NEGR1: variants seen among roughly 807,000 people sequenced by gnomAD.
NEGR1 encodes neuronal growth regulator 1.
In NEGR1, 10 loss-of-function variants were observed where a neutral mutation model predicts 40.9. The ratio of observed to expected loss-of-function variants is 0.24; its 90% confidence interval spans 0.15 to 0.42. NEGR1 has a LOEUF of 0.42. NEGR1 is among the 10% of genes least tolerant of loss of function. The pLI, the probability that NEGR1 is intolerant of heterozygous loss-of-function variation, is 1.00. For synonymous variants in NEGR1, 185 were observed against 166.8 expected (o/e 1.11, Z -0.84); for missense variants, 352 against 438.9 (o/e 0.80, Z 1.77).
chr1:71,815,479 A>G (rs1191781396), intron 2 of NEGR1, among the ~76,000 whole-genome samples: 2 of 151,834 alleles, frequency 1.3e-5, no homozygotes, highest in Non-Finnish European at 2.9e-5. Flanking sequence ...TTCTGTCTCA[A>G]TTATCTGTTT....
At chr1:71,565,127 C>T (rs1570039059) in intron 6 of NEGR1, among the ~76,000 whole-genome samples, 1 of 152,078 alleles carries the variant, frequency 6.6e-6, no homozygotes, top group South Asian at 2.1e-4. Context: ...TGGTTGTAAA[C>T]CAAACACTCC....
At position 71,400,392 on chromosome 1, in the gene NEGR1, G is replaced by C. The variant is rs373326897; in HGVS notation, c.*7054C>G. 26 of 151,004 alleles carry C rather than the reference G, an allele frequency of 1.7e-4. No homozygotes were observed. In the East Asian group the frequency reaches 3.9e-3, roughly 23 times the overall value. 9.4% of individuals were successfully genotyped at this position (151,004 alleles called of 1,614,324 possible). ...CAACTGTTACTTCATTTTTCTTACT[G>C]TTTTTGATATAAAATTCCTGTTATA... On this transcript the variant is annotated 3_prime_UTR_variant, in exon 7 of 7. Transcript: ENST00000357731.
intron 6 of NEGR1, among the ~76,000 whole-genome samples, chr1:71,588,296 T>C (rs2101514919): frequency 6.6e-6 from 1 of 152,246 alleles, no homozygotes; most frequent in East Asian, 1.9e-4. Flanking sequence ...CCCAATTTTT[T>C]ATTTAATAAG....
intron 2 of NEGR1, among the ~76,000 whole-genome samples, chr1:71,791,772 T>C (rs998958375): frequency 6.6e-6 from 1 of 151,958 alleles, no homozygotes; most frequent in Non-Finnish European, 1.5e-5. Context: ...CACGGTACTT[T>C]AGGTGAGAAA....
At chr1:72,155,365 T>C (rs1651318450) in intron 1 of NEGR1, among the ~76,000 whole-genome samples, 1 of 152,050 alleles carries the variant, frequency 6.6e-6, no homozygotes, top group African/African-American at 2.4e-5. Context: ...ATGTCATGAG[T>C]AGCCAAATCA....
chr1:72,005,263 T>C (rs1570599966), intron 1 of NEGR1, among the ~76,000 whole-genome samples: 1 of 152,008 alleles, frequency 6.6e-6, no homozygotes, highest in South Asian at 2.1e-4. Flanking sequence ...AATAAGAGCA[T>C]AGTGAATGCA....
intron 1 of NEGR1, among the ~76,000 whole-genome samples, chr1:72,096,888 T>C (rs1462516381): frequency 9.2e-5 from 14 of 152,066 alleles, no homozygotes; most frequent in Non-Finnish European, 1.5e-5. Context: ...TTCACCATGT[T>C]AGCCAGGATG....
intron 3 of NEGR1, among the ~76,000 whole-genome samples, chr1:71,772,459 T>A (rs1237884731): frequency 6.6e-6 from 1 of 151,964 alleles, no homozygotes; most frequent in Non-Finnish European, 1.5e-5. Context: ...ATGTCAATGT[T>A]CAGTAATGAC....
chr1:72,181,793 G>A (rs1225390590), intron 1 of NEGR1, among the ~76,000 whole-genome samples: 1 of 152,140 alleles, frequency 6.6e-6, no homozygotes, highest in South Asian at 2.1e-4. Flanking sequence ...AACACTGAGG[G>A]AAAAATAGAG....
At chr1:72,241,178 A>G (rs1051911005) in intron 1 of NEGR1, among the ~76,000 whole-genome samples, 11 of 151,620 alleles carry the variant, frequency 7.3e-5, no homozygotes, top group African/African-American at 2.7e-4. Flanking sequence ...TTTTATTTGG[A>G]AGTTAGATAA....
At chr1:71,548,529 C>T (rs747351915) in intron 6 of NEGR1, among the ~76,000 whole-genome samples, 1 of 151,706 alleles carries the variant, frequency 6.6e-6, no homozygotes, top group Non-Finnish European at 1.5e-5. Context: ...TTGACTTCAG[C>T]TTCTTGTCGC....
At chr1:71,804,017 T>C (rs553464236) in intron 2 of NEGR1, among the ~76,000 whole-genome samples, 86 of 152,204 alleles carry the variant, frequency 5.7e-4, no homozygotes, top group Non-Finnish European at 1.0e-3. Context: ...ATAAAATATT[T>C]AATACTTTCA....
At chr1:71,457,433 A>G (rs1646680773) in intron 6 of NEGR1, among the ~76,000 whole-genome samples, 1 of 152,160 alleles carries the variant, frequency 6.6e-6, no homozygotes, top group Non-Finnish European at 1.5e-5. Context: ...ATGACACCCA[A>G]ACCCACTTTT....
intron 2 of NEGR1, among the ~76,000 whole-genome samples, chr1:71,804,521 G>A (rs1657681490): frequency 6.6e-6 from 1 of 152,218 alleles, no homozygotes; most frequent in Non-Finnish European, 1.5e-5. Flanking sequence ...CATAAATTGT[G>A]AAGATTTCAT....
chr1:72,171,020 T>C (rs1009123690), intron 1 of NEGR1, among the ~76,000 whole-genome samples: 2 of 152,168 alleles, frequency 1.3e-5, no homozygotes, highest in African/African-American at 2.4e-5. Flanking sequence ...TGGTATTTCC[T>C]TTTCCCTTTG....
intron 2 of NEGR1, among the ~76,000 whole-genome samples, chr1:71,836,428 CA>C (rs1323312605): frequency 2.6e-5 from 3 of 115,152 alleles, no homozygotes; most frequent in South Asian, 2.7e-4. Context: ...GGCTCTGGCT[CA>C]AAAAAAAAAC....
intron 6 of NEGR1, among the ~76,000 whole-genome samples, chr1:71,558,467 C>T (rs1350310141): frequency 2.0e-5 from 3 of 151,466 alleles, no homozygotes; most frequent in Non-Finnish European, 4.4e-5. Context: ...TCCCTCATTC[C>T]TTTATTTTTA....
chr1:71,477,620 T>C (rs370316223), intron 6 of NEGR1, among the ~76,000 whole-genome samples: 1 of 152,096 alleles, frequency 6.6e-6, no homozygotes, highest in African/African-American at 2.4e-5. Flanking sequence ...TGAGAATAAG[T>C]GTCCAGTTGC....
chr1:71,828,407 CA>C (rs375670367), intron 2 of NEGR1, among the ~76,000 whole-genome samples: 53 of 151,980 alleles, frequency 3.5e-4, no homozygotes, highest in African/African-American at 1.2e-3. Context: ...GAGAAAATAG[CA>C]CATGTATTTT....
Sources: gnomAD v4.1 joint callset for allele counts (sites outside exome capture counted in the v4.1 genomes callset) on GRCh38, gnomAD v4.1.1 for gene constraint, MANE v1.5 for transcripts, NCBI Gene and HGNC (gene_info 2026-07-23, HGNC 2026-07-21) for gene names.